IL17B: variants seen among roughly 807,000 people sequenced by gnomAD.
IL17B encodes the protein interleukin-17B.
In IL17B, 14 loss-of-function variants were observed where a neutral mutation model predicts 14.7. That is an observed-to-expected ratio of 0.95 (90% confidence interval 0.63 to 1.49). The LOEUF is 1.49. Ranked by LOEUF, IL17B falls within the 40% of genes most tolerant of loss-of-function variation. IL17B has a pLI of 0.00. For synonymous variants in IL17B, 105 were observed against 94.8 expected (o/e 1.11, Z -0.62); for missense variants, 233 against 252.8 (o/e 0.92, Z 0.53).
In IL17B at chr5:149,389,139, C is replaced by T. The variant is rs555862955; in HGVS notation, n.96-12114G>A. Among the ~76,000 whole-genome samples, 17 of 152,322 alleles carry T rather than the reference C, an allele frequency of 1.1e-4. 1 individual carries two copies. In the South Asian group the frequency reaches 1.9e-3, roughly 17 times the overall value. On this transcript the variant is annotated intron_variant and non_coding_transcript_variant, in intron 1 of 2. Transcript: ENST00000505432. ...TCTTTCCACTGTTCCTTGCTTTAAC[C>T]AGTTTAATTTCTTTGAAGAGTTAAG... is the stretch of plus-strand genomic sequence containing the variant.
chr5:149,403,162 G>A (rs1159037648), intron 1 of IL17B, among the ~76,000 whole-genome samples: 2 of 151,926 alleles, frequency 1.3e-5, no homozygotes, highest in African/African-American at 4.8e-5. Context: ...TCGGCTTACT[G>A]TAGCCTCTGC....
chr5:149,399,396 C>A (rs903870692), intron 1 of IL17B, among the ~76,000 whole-genome samples: 1 of 152,056 alleles, frequency 6.6e-6, no homozygotes, highest in African/African-American at 2.4e-5. Context: ...GTTTGGACTG[C>A]GCATGCACAC....
At chr5:149,387,240 GGTCAGTTCTCATAAAT>G (rs895451262) in intron 1 of IL17B, among the ~76,000 whole-genome samples, 1 of 152,198 alleles carries the variant, frequency 6.6e-6, no homozygotes, top group Admixed American at 6.5e-5. Flanking sequence ...TCCATTGGAA[GGTCAGTTCTCATAAAT>G]ACTGTGAGGA....
At chr5:149,403,378 G>A (rs1180386232) in intron 1 of IL17B, among the ~76,000 whole-genome samples, 6 of 152,102 alleles carry the variant, frequency 3.9e-5, no homozygotes, top group Admixed American at 1.3e-4. Context: ...GAGCCACCAC[G>A]CCTAGCCATG....
chr5:149,402,360 T>A, intron 1 of IL17B, among the ~76,000 whole-genome samples: 1 of 152,158 alleles, frequency 6.6e-6, no homozygotes, highest in Non-Finnish European at 1.5e-5. Context: ...CACAAAGATT[T>A]GGGAGGACTG....
In IL17B at chr5:149,403,711, C is replaced by T. The variant is rs79996629; in HGVS notation, n.95+397G>A. ...CAGAAAGGGTGAAGTGAAGCCCATA[C>T]GATCTCAGGGCTGGGAAGGGACTTG... is the stretch of plus-strand genomic sequence containing the variant. On this transcript the variant is annotated intron_variant and non_coding_transcript_variant, in intron 1 of 2. Coordinates refer to the IL17B transcript ENST00000505432. Among the ~76,000 whole-genome samples, 735 of 151,996 alleles carry T rather than the reference C, an allele frequency of 4.8e-3. 20 individuals are homozygous for T. Among genetic ancestry groups the T allele is most frequent in the East Asian group, 0.014 (72 of 5,164 alleles).
rs180711435 is a variant in IL17B, at chr5:149,395,148, G to A, written n.95+8960C>T. Among the ~76,000 whole-genome samples the A allele has an allele frequency of 1.5e-3, 225 of 152,218 alleles. 2 individuals carry two copies. Among genetic ancestry groups the A allele is most frequent in the African/African-American group, 5.2e-3 (217 of 41,536 alleles). ...TCTATTCCTGCATTAGTTCACTTAA[G>A]ATAATGACCTCCAGCTTCCATCCAT... On this transcript the variant is annotated intron_variant and non_coding_transcript_variant, in intron 1 of 2. Transcript: ENST00000505432.
chr5:149,394,590 A>G (rs1759054155), intron 1 of IL17B, among the ~76,000 whole-genome samples: 1 of 152,236 alleles, frequency 6.6e-6, no homozygotes, highest in South Asian at 2.1e-4. Flanking sequence ...TAATTCCAGT[A>G]TTGGAAATGA....
At chr5:149,394,174 G>C (rs6874589) in intron 1 of IL17B, among the ~76,000 whole-genome samples, 46,706 of 152,040 alleles carry the variant, frequency 0.31, 7,254 homozygotes, top group African/African-American at 0.32. Context: ...AGTCGCACGA[G>C]TGTAACAGTT....
intron 2 of IL17B, among the ~76,000 whole-genome samples, chr5:149,375,811 A>G (rs1758514175): frequency 6.6e-6 from 1 of 152,192 alleles, no homozygotes; most frequent in South Asian, 2.1e-4. Flanking sequence ...CCCAGGAGGC[A>G]GAGGCTGCAG....
chr5:149,402,671 T>C (rs1471426445), intron 1 of IL17B, among the ~76,000 whole-genome samples: 1 of 149,222 alleles, frequency 6.7e-6, no homozygotes, highest in Non-Finnish European at 1.5e-5. Context: ...CAATTTATCT[T>C]CTTTAATACC....
At chr5:149,379,325 C>T, upstream of IL17B, 2 of 1,428,342 alleles carry the variant, frequency 1.4e-6, no homozygotes, top group Non-Finnish European at 2.0e-6. Flanking sequence ...GCAATTATAG[C>T]TCAACTGGGG....
chr5:149,379,075 G>T (rs1221925832), intron 1 of IL17B, 130 bp downstream of exon 1: 2 of 1,068,482 alleles, frequency 1.9e-6, no homozygotes, highest in African/African-American at 1.6e-5. Context: ...AGTCCTGGGG[G>T]AGAAGACAGA....
At chr5:149,385,010 G>C (rs1443097291) in intron 1 of IL17B, among the ~76,000 whole-genome samples, 2 of 150,740 alleles carry the variant, frequency 1.3e-5, no homozygotes, top group Non-Finnish European at 3.0e-5. Context: ...CCAGGTCCCT[G>C]TTAAGCAATT....
chr5:149,385,332 G>A (rs1758802850), intron 1 of IL17B, among the ~76,000 whole-genome samples: 1 of 151,938 alleles, frequency 6.6e-6, no homozygotes, highest in Non-Finnish European at 1.5e-5. Context: ...TCTAGCCTGG[G>A]CAACAAGAAT....
chr5:149,397,249 A>C (rs1759110920), intron 1 of IL17B, among the ~76,000 whole-genome samples: 1 of 152,088 alleles, frequency 6.6e-6, no homozygotes, highest in Admixed American at 6.6e-5. Context: ...TGCTCACTGC[A>C]ACATCTACCC....
intron 1 of IL17B, among the ~76,000 whole-genome samples, chr5:149,401,074 A>T (rs1759196724): frequency 6.6e-6 from 1 of 152,242 alleles, no homozygotes; most frequent in Non-Finnish European, 1.5e-5. Flanking sequence ...TAGCCCAATC[A>T]AATTGATACA....
At chr5:149,380,701 C>CAGAT (rs1758671813), upstream of IL17B, among the ~76,000 whole-genome samples, 1 of 152,192 alleles carries the variant, frequency 6.6e-6, no homozygotes, top group East Asian at 1.9e-4. Context: ...GCATTGTGAA[C>CAGAT]AGATACTGAG....
At position 149,374,581 on chromosome 5, in the gene IL17B, G is replaced by A. The variant is rs748708206; in HGVS notation, c.331C>T (p.Arg111Cys). The A allele has an allele frequency of 3.7e-5, 59 of 1,611,810 alleles. 1 individual carries two copies. Among genetic ancestry groups the A allele is most frequent in the African/African-American group, 2.7e-4 (20 of 75,030 alleles). Residue 111 changes from arginine to cysteine, a missense_variant, in exon 3 of 3, where the codon CGT becomes TGT. Coordinates refer to ENST00000261796, the MANE Select transcript of IL17B (RefSeq NM_014443.3). This position sits in a 1 kb window ranked among gnomAD's most constrained non-coding sequence, Gnocchi z 5.0. Reference sequence around the variant, plus strand: ...GCCTCCGGCAGGTCCACGGGGATACGGCTGGGGTCGTGGTTGATGCTGCAG... The same window carrying A: ...GCCTCCGGCAGGTCCACGGGGATACAGCTGGGGTCGTGGTTGATGCTGCAG... ...WGYSINHDPS[R>C]IPVDLPEARC...
Sources: allele counts gnomAD v4.1 joint callset (sites outside exome capture counted in the v4.1 genomes callset), GRCh38; gene constraint gnomAD v4.1.1; non-coding constraint Gnocchi (gnomAD v3.1); transcripts MANE v1.5; gene names NCBI Gene and HGNC (gene_info 2026-07-23, HGNC 2026-07-21).